FRYL: variants seen among roughly 807,000 people sequenced by gnomAD.
The protein encoded by FRYL is FRY like transcription coactivator.
Under a neutral mutation model 351.2 loss-of-function variants are expected in FRYL, and 150 were observed. That is an observed-to-expected ratio of 0.43 (90% CI 0.37 to 0.49). FRYL has a LOEUF of 0.49. Ranked by LOEUF, FRYL falls within the 20% of genes least tolerant of loss-of-function variation. The pLI, the probability that FRYL is intolerant of heterozygous loss-of-function variation, is 0.00. For synonymous variants in FRYL, 1,153 were observed against 1,257.1 expected (o/e 0.92, Z 1.75); for missense variants, 3,036 against 3,619.3 (o/e 0.84, Z 4.13).
At chr4:48,733,878 C>T (rs749307621) in intron 1 of FRYL, among the ~76,000 whole-genome samples, 4 of 151,878 alleles carry the variant, frequency 2.6e-5, no homozygotes, top group African/African-American at 9.7e-5. Context: ...TCTCAGCAAC[C>T]ACTTAAAAAA....
At chr4:48,527,869 G>GT in intron 52 of FRYL, 102 bp downstream of exon 52, 1 of 1,051,186 alleles carries the variant, frequency 9.5e-7, no homozygotes, top group East Asian at 2.4e-5. Flanking sequence ...AGTTAATACC[G>GT]TAAGTAAGGT....
chr4:48,609,160 G>T, intron 8 of FRYL, 93 bp from the exon 9 acceptor site: 1 of 738,362 alleles, frequency 1.4e-6, no homozygotes, highest in Non-Finnish European at 2.3e-6. Flanking sequence ...TCAGAGTATT[G>T]TATAATTTTC....
intron 2 of FRYL, among the ~76,000 whole-genome samples, chr4:48,696,863 T>C (rs1478058792): frequency 6.1e-5 from 9 of 147,706 alleles, no homozygotes; most frequent in Non-Finnish European, 1.0e-4. Context: ...TATCTATCTA[T>C]CTATCTATCT....
At chr4:48,688,769 TC>T (rs1765408342) in intron 2 of FRYL, among the ~76,000 whole-genome samples, 1 of 151,396 alleles carries the variant, frequency 6.6e-6, no homozygotes, top group African/African-American at 2.4e-5. Context: ...TTCAAGTGAT[TC>T]TCCTACCTCA....
At chr4:48,654,787 T>C (rs1270456536) in intron 3 of FRYL, among the ~76,000 whole-genome samples, 1 of 152,202 alleles carries the variant, frequency 6.6e-6, no homozygotes, top group East Asian at 1.9e-4. Flanking sequence ...TGTTCTACAC[T>C]GAAAGCAGAC....
intron 54 of FRYL, 63 bp downstream of exon 54, chr4:48,522,838 A>G: frequency 8.5e-7 from 1 of 1,178,662 alleles, no homozygotes; most frequent in Admixed American, 1.7e-5. Context: ...ATAATCATTA[A>G]GAAGTTGGAA....
In FRYL at chr4:48,655,776, T is replaced by C. The variant is rs1177399890; in HGVS notation, c.-80-21286A>G. On this transcript the variant is annotated intron_variant, in intron 3 of 63. Coordinates refer to ENST00000358350, the MANE Select transcript of FRYL (RefSeq NM_015030.2). ...ATTATATAATACATTATGTAATACATTCTGTATTATATAATCATATATAAT... is the reference window on the plus strand; with the variant it reads ...ATTATATAATACATTATGTAATACACTCTGTATTATATAATCATATATAAT... Among the ~76,000 whole-genome samples, 5 of 145,494 alleles carry C rather than the reference T, an allele frequency of 3.4e-5. No homozygotes were observed. In the East Asian group the frequency reaches 7.9e-4, roughly 23 times the overall value.
chr4:48,659,312 C>T (rs777597232), intron 3 of FRYL, among the ~76,000 whole-genome samples: 5 of 148,522 alleles, frequency 3.4e-5, no homozygotes, highest in African/African-American at 5.0e-5. Flanking sequence ...GATCGCATCA[C>T]GGCACTCCAG....
intron 23 of FRYL, among the ~76,000 whole-genome samples, chr4:48,577,474 G>C (rs903376193): frequency 6.6e-6 from 1 of 152,066 alleles, no homozygotes; most frequent in East Asian, 1.9e-4. Flanking sequence ...CACTGGTAAC[G>C]TATCAGTCAA....
intron 3 of FRYL, among the ~76,000 whole-genome samples, chr4:48,665,922 T>C (rs1761643088): frequency 6.6e-6 from 1 of 152,204 alleles, no homozygotes; most frequent in South Asian, 2.1e-4. Context: ...CTATAGGTTC[T>C]TTACCATTAA....
intron 1 of FRYL, among the ~76,000 whole-genome samples, chr4:48,731,356 T>C (rs530110392): frequency 2.1e-4 from 32 of 152,318 alleles, no homozygotes; most frequent in Non-Finnish European, 4.0e-4. Flanking sequence ...ATGTCCTTAC[T>C]GCCCAAAGTA....
chr4:48,590,759 G>T lies in FRYL; in HGVS notation c.1407C>A (p.Pro469=), dbSNP rs1308714069. The change falls in exon 17 of 64, where the codon CCC becomes CCA. Residue 469 remains proline, a synonymous_variant. Transcript: ENST00000358350. Reference sequence around the variant, plus strand: ...GAAGAATAACTCCTGTTGTTGGCATGGGTGGTTCACCATCTTTCTGCTGCA... The same window carrying T: ...GAAGAATAACTCCTGTTGTTGGCATTGGTGGTTCACCATCTTTCTGCTGCA... ...DSLQQKDGEP[P]MPTTGVILPS... 6.2e-7 allele frequency: 1 copy of T among 1,613,248 alleles called. No homozygotes were observed. Among genetic ancestry groups the T allele is most frequent in the African/African-American group, 1.3e-5 (1 of 74,998 alleles).
chr4:48,609,153 G>C, intron 8 of FRYL, 86 bp from the exon 9 acceptor site: 1 of 776,852 alleles, frequency 1.3e-6, no homozygotes, highest in Non-Finnish European at 2.2e-6. Flanking sequence ...TTCCTTATCA[G>C]AGTATTGTAT....
intron 7 of FRYL, among the ~76,000 whole-genome samples, chr4:48,611,659 T>C (rs1353799423): frequency 6.6e-6 from 1 of 152,170 alleles, no homozygotes; most frequent in Non-Finnish European, 1.5e-5. Flanking sequence ...AGTCACCTTT[T>C]CAAGTTCTAT....
chr4:48,594,353 GT>G (rs1744155525), intron 15 of FRYL, among the ~76,000 whole-genome samples: 1 of 151,916 alleles, frequency 6.6e-6, no homozygotes. Flanking sequence ...ACAGCAGTGA[GT>G]TCATACTGGG....
intron 1 of FRYL, among the ~76,000 whole-genome samples, chr4:48,718,732 G>A (rs1769147322): frequency 6.6e-6 from 1 of 151,428 alleles, no homozygotes; most frequent in South Asian, 2.1e-4. Flanking sequence ...CCTCCTTCTT[G>A]TGCTCATAGG....
At chr4:48,671,437 G>A (rs188402404) in intron 3 of FRYL, among the ~76,000 whole-genome samples, 5 of 152,222 alleles carry the variant, frequency 3.3e-5, no homozygotes, top group African/African-American at 1.2e-4. Flanking sequence ...GGAGACTGGG[G>A]CAGGTGGATC....
At chr4:48,604,507 A>G (rs1174085322) in intron 11 of FRYL, among the ~76,000 whole-genome samples, 1 of 152,230 alleles carries the variant, frequency 6.6e-6, no homozygotes, top group Admixed American at 6.5e-5. Context: ...GGACACAGAC[A>G]TACACTCAAG....
intron 1 of FRYL, among the ~76,000 whole-genome samples, chr4:48,755,288 C>T (rs1773656734): frequency 6.6e-6 from 1 of 152,166 alleles, no homozygotes; most frequent in Non-Finnish European, 1.5e-5. Flanking sequence ...CTCAGAAATA[C>T]TATTTCCATT....
Sources: allele counts gnomAD v4.1 joint callset (sites outside exome capture counted in the v4.1 genomes callset), GRCh38; gene constraint gnomAD v4.1.1; transcripts MANE v1.5; gene names NCBI Gene and HGNC (gene_info 2026-07-23, HGNC 2026-07-21).